LRCH2: variants seen among roughly 807,000 people sequenced by gnomAD.
The protein encoded by LRCH2 is leucine rich repeats and calponin homology domain containing 2.
Under a neutral mutation model 68.9 loss-of-function variants are expected in LRCH2, and 38 were observed. The ratio of observed to expected loss-of-function variants is 0.55; its 90% CI spans 0.43 to 0.72. The LOEUF is 0.72. Ranked by LOEUF, LRCH2 falls within the 30% of genes least tolerant of loss-of-function variation. LRCH2 has a pLI of 0.00. For missense variants in LRCH2, 528 were observed against 572.9 expected (o/e 0.92, Z 0.80); for synonymous variants, 191 against 208.1 (o/e 0.92, Z 0.71).
intron 1 of LRCH2, among the ~76,000 whole-genome samples, chrX:115,195,114 C>T (rs1445082319): frequency 9.1e-6 from 1 of 110,475 alleles, no homozygotes; most frequent in African/African-American, 3.3e-5. Flanking sequence ...GAAACCCCGT[C>T]TCTTACTAAA....
intron 16 of LRCH2, 34 bp downstream of exon 16, chrX:115,126,809 G>T: frequency 9.6e-7 from 1 of 1,043,955 alleles, no homozygotes; most frequent in Non-Finnish European, 1.3e-6. Flanking sequence ...CATACAAAAC[G>T]TATTTTTAAG....
chrX:115,155,047 AAAAAAAAAAAAAAAAGAG>A (rs1291199595), intron 12 of LRCH2, among the ~76,000 whole-genome samples: 1 of 100,128 alleles, frequency 1.0e-5, no homozygotes, highest in East Asian at 3.1e-4. Context: ...TCAAAAAAAA[AAAAAAAAAAAAAAAAGAG>A]AGAGAGAGAG....
rs192882525 is a variant in LRCH2 at position 115,214,906 on chromosome X, G to A, written c.349+18787C>T. 1.4e-3 allele frequency among the ~76,000 whole-genome samples: 162 copies of A among 112,005 alleles called. 1 individual carries two copies. Among genetic ancestry groups the A allele is most frequent in the African/African-American group, 4.2e-3 (131 of 30,886 alleles). On this transcript the variant is annotated intron_variant, in intron 1 of 20. Transcript: ENST00000317135. Reference sequence around the variant, plus strand: ...ATGCAGTTATCTGTAGGAAATTCTAGTAAGTTTTTCAGTTTCACCAAGAAA... The same window carrying A: ...ATGCAGTTATCTGTAGGAAATTCTAATAAGTTTTTCAGTTTCACCAAGAAA...
chrX:115,227,030 C>G (rs1603107628), intron 1 of LRCH2, among the ~76,000 whole-genome samples: 1 of 111,401 alleles, frequency 9.0e-6, no homozygotes, highest in African/African-American at 3.3e-5. Context: ...CAAGTTAAGT[C>G]TTTGTTGTAT....
At chrX:115,167,191 TAAAAAAAA>T (rs58298502) in intron 6 of LRCH2, among the ~76,000 whole-genome samples, 7 of 8,396 alleles carry the variant, frequency 8.3e-4, no homozygotes, top group African/African-American at 1.4e-3. Flanking sequence ...AGTTTCATGC[TAAAAAAAA>T]AAAAAAAAAA....
chrX:115,190,485 C>CT, intron 1 of LRCH2: 1 of 1,167,983 alleles, frequency 8.6e-7, no homozygotes, highest in South Asian at 1.9e-5. Flanking sequence ...CGTCCGAGGC[C>CT]TTGCCAGTCG....
At chrX:115,205,705 G>A (rs782529516) in intron 1 of LRCH2, among the ~76,000 whole-genome samples, 2 of 111,603 alleles carry the variant, frequency 1.8e-5, no homozygotes, top group South Asian at 3.8e-4. Context: ...TTGGGAGGCC[G>A]AGGCAGGTGA....
chrX:115,112,161 C>T lies in LRCH2; in HGVS notation c.*1055G>A, dbSNP rs2072048296. 1 of 111,170 alleles carries T rather than the reference C, an allele frequency of 9.0e-6. No homozygotes were observed. The highest frequency in any genetic ancestry group is 1.9e-5 in the Non-Finnish European group (1 of 52,851). The allele number at this position is 111,170 out of a possible 1,213,427, so 9.2% of individuals were successfully genotyped here. Reference sequence around the variant, plus strand: ...AAATGGCCAGATTTTGAGTAAAAACCTATTCCTCAACTGCTGCTCTCTGAG... The same window carrying T: ...AAATGGCCAGATTTTGAGTAAAAACTTATTCCTCAACTGCTGCTCTCTGAG... On this transcript the variant is annotated 3_prime_UTR_variant, in exon 21 of 21. Coordinates refer to ENST00000317135, the MANE Select transcript of LRCH2 (RefSeq NM_020871.4).
chrX:115,191,064 C>T (rs1431257400), intron 1 of LRCH2: 31 of 1,164,524 alleles, frequency 2.7e-5, no homozygotes, highest in Non-Finnish European at 3.2e-5. Context: ...GCAACAGTTA[C>T]GGCCAGAGCC....
At chrX:115,195,711 T>A (rs2072882498) in intron 1 of LRCH2, among the ~76,000 whole-genome samples, 1 of 111,489 alleles carries the variant, frequency 9.0e-6, no homozygotes, top group African/African-American at 3.3e-5. Flanking sequence ...CAAGACCGGC[T>A]GGGAACTGGC....
chrX:115,157,551 C>T (rs190137622), intron 11 of LRCH2, among the ~76,000 whole-genome samples: 1 of 105,799 alleles, frequency 9.5e-6, no homozygotes, highest in Non-Finnish European at 1.9e-5. Flanking sequence ...TCTAGTAGGG[C>T]CTCACTAGGA....
At chrX:115,162,750 A>G (rs182005667) in intron 11 of LRCH2, among the ~76,000 whole-genome samples, 15 of 111,882 alleles carry the variant, frequency 1.3e-4, no homozygotes, top group South Asian at 3.7e-4. Context: ...AAATGCCAGT[A>G]TATTTAAATT....
chrX:115,219,000 GT>G (rs2073060908), intron 1 of LRCH2, among the ~76,000 whole-genome samples: 1 of 111,884 alleles, frequency 8.9e-6, no homozygotes, highest in African/African-American at 3.3e-5. Flanking sequence ...AGGTAGATCT[GT>G]GTATACAATA....
In LRCH2 at chrX:115,233,742, G is replaced by T; in HGVS notation, c.300C>A (p.Leu100=). The part of the protein sequence containing the change: ...SGILSLSGRK[L]RDFPGSGYDL... ...CGTAGCCGCTGCCCGGGAAGTCTCG[G>T]AGTTTCCGACCACTGAGGCTCAGGA... Residue 100 remains leucine, a synonymous_variant, in exon 1 of 21, where the codon CTC becomes CTA. Transcript: ENST00000317135. 8.5e-7 allele frequency: 1 copy of T among 1,183,073 alleles called. No homozygotes were observed. Among genetic ancestry groups the T allele is most frequent in the Non-Finnish European group, 1.1e-6 (1 of 880,276 alleles).
chrX:115,229,677 T>C (rs191101637), intron 1 of LRCH2, among the ~76,000 whole-genome samples: 1 of 111,913 alleles, frequency 8.9e-6, no homozygotes, highest in East Asian at 2.8e-4. Context: ...CAGGAAGACA[T>C]TTATTAAATG....
chrX:115,124,118 G>A (rs2072166299), intron 16 of LRCH2, 116 bp from the exon 17 acceptor site: 6 of 360,467 alleles, frequency 1.7e-5, no homozygotes, highest in Non-Finnish European at 2.7e-5. Flanking sequence ...ATTTTCCTAT[G>A]ATTAGTGAAG....
intron 2 of LRCH2, among the ~76,000 whole-genome samples, chrX:115,185,243 C>T (rs2072722625): frequency 8.9e-6 from 1 of 111,964 alleles, no homozygotes; most frequent in Admixed American, 9.5e-5. Flanking sequence ...TCACAGTGAT[C>T]CTCATTTTGC....
chrX:115,153,602 C>A (rs1239634806), intron 12 of LRCH2, among the ~76,000 whole-genome samples: 3 of 110,251 alleles, frequency 2.7e-5, no homozygotes, highest in Non-Finnish European at 5.7e-5. Context: ...ATAACAGATA[C>A]ATAAAAAGTA....
chrX:115,147,636 A>G (rs1556536825), intron 14 of LRCH2, among the ~76,000 whole-genome samples: 3 of 111,903 alleles, frequency 2.7e-5, no homozygotes, highest in Non-Finnish European at 5.6e-5. Context: ...TAAAATACCA[A>G]TAAATGATGC....
Sources: allele counts gnomAD v4.1 joint callset (sites outside exome capture counted in the v4.1 genomes callset), GRCh38; gene constraint gnomAD v4.1.1; transcripts MANE v1.5; gene names NCBI Gene and HGNC (gene_info 2026-07-23, HGNC 2026-07-21).